Variants in ATXN7 observed in about 807,000 individuals in gnomAD.
ATXN7 encodes ataxin-7.
Under a neutral mutation model 70.5 loss-of-function variants are expected in ATXN7, and 12 were observed. The observed-to-expected ratio is 0.17, with a 90% confidence interval of 0.11 to 0.28. The LOEUF (loss-of-function observed/expected upper bound fraction) is 0.28. Among genes scored for constraint, ATXN7 ranks in the 10% least tolerant of loss-of-function variants. ATXN7 has a pLI of 1.00. For missense variants in ATXN7, 1,256 were observed against 1,131.7 expected, an observed-to-expected ratio of 1.11 and a Z score of -1.58; for synonymous variants, 498 against 448.7, an observed-to-expected ratio of 1.11 and a Z score of -1.39.
At chr3:63,982,718 A>G (rs1343897864) in intron 7 of ATXN7, among the ~76,000 whole-genome samples, 1 of 151,840 alleles carries the variant, frequency 6.6e-6, no homozygotes, top group Non-Finnish European at 1.5e-5. Flanking sequence ...GACTTAAACA[A>G]TATCTTTTCT....
At chr3:63,983,652 T>C (rs915274831) in intron 8 of ATXN7, among the ~76,000 whole-genome samples, 12 of 152,142 alleles carry the variant, frequency 7.9e-5, no homozygotes, top group African/African-American at 2.7e-4. Flanking sequence ...ATTAATAATT[T>C]ATATACAAGC....
chr3:63,999,326 C>G (rs1559665265), intron 12 of ATXN7, 124 bp from the exon 13 acceptor site: 5 of 768,598 alleles, frequency 6.5e-6, no homozygotes, highest in Non-Finnish European at 1.1e-5. Flanking sequence ...CCTGGTGTCA[C>G]TCAGTCAATG....
intron 4 of ATXN7, among the ~76,000 whole-genome samples, chr3:63,933,298 T>C (rs181140043): frequency 9.8e-5 from 15 of 152,332 alleles, no homozygotes; most frequent in African/African-American, 2.9e-4. Context: ...GTTGAAATTA[T>C]AGTTTTCTGT....
At chr3:63,984,210 TAAAA>T (rs530652733) in intron 8 of ATXN7, among the ~76,000 whole-genome samples, 1 of 144,976 alleles carries the variant, frequency 6.9e-6, no homozygotes, top group Non-Finnish European at 1.5e-5. Flanking sequence ...ATCTCATTTT[TAAAA>T]AAAAAAAACC....
At position 63,916,722 on chromosome 3, in the gene ATXN7, C is replaced by A. The variant is rs114554894; in HGVS notation, c.394+3497C>A. ...TGTGGTTTAGGTAGTATATCATTCC[C>A]TCTTCTGCCATTTGGCACAAGTAGG... On this transcript the variant is annotated intron_variant, in intron 4 of 12. Coordinates refer to ENST00000674280, the MANE Select transcript of ATXN7 (RefSeq NM_001377405.1). Among the ~76,000 whole-genome samples the A allele has an allele frequency of 6.8e-3, 1,036 of 152,290 alleles. 14 individuals are homozygous for A. Among genetic ancestry groups the A allele is most frequent in the African/African-American group, 0.022 (896 of 41,556 alleles).
intron 5 of ATXN7, among the ~76,000 whole-genome samples, chr3:63,965,710 T>C (rs888639190): frequency 1.3e-5 from 2 of 152,156 alleles, no homozygotes; most frequent in Non-Finnish European, 2.9e-5. Context: ...TTTATTTGGA[T>C]AGGATATCGA....
intron 4 of ATXN7, 123 bp from the exon 5 acceptor site, chr3:63,952,256 C>A: frequency 1.8e-6 from 1 of 569,192 alleles, no homozygotes; most frequent in Non-Finnish European, 3.1e-6. Context: ...TGGTGTACCA[C>A]ATCAGTTCAT....
At chr3:63,927,246 C>T (rs925859854) in intron 4 of ATXN7, among the ~76,000 whole-genome samples, 1 of 152,126 alleles carries the variant, frequency 6.6e-6, no homozygotes, top group African/African-American at 2.4e-5. Context: ...CCACATCACT[C>T]TCTATATTGC....
chr3:63,993,758 C>G (rs564963537), intron 11 of ATXN7, among the ~76,000 whole-genome samples: 2 of 152,298 alleles, frequency 1.3e-5, no homozygotes, highest in Non-Finnish European at 2.9e-5. Context: ...GATTTGGTTC[C>G]AGGCAGCCTG....
chr3:63,948,451 G>A (rs1287920398), intron 4 of ATXN7, among the ~76,000 whole-genome samples: 1 of 152,150 alleles, frequency 6.6e-6, no homozygotes, highest in Non-Finnish European at 1.5e-5. Context: ...CGTGAAACTA[G>A]ACAGAGCTTG....
Position 64,000,873 on chromosome 3 carries a change from C to T in ATXN7, c.*1406C>T, listed in dbSNP as rs1660686014. On this transcript the variant is annotated 3_prime_UTR_variant, in exon 13 of 13. Transcript: ENST00000674280. Reference sequence around the variant, plus strand: ...GCTTGGAGAAGGTGTCATTGAATTCCGGGACGAGCCGGAGCCTTTAAATGG... The same window carrying T: ...GCTTGGAGAAGGTGTCATTGAATTCTGGGACGAGCCGGAGCCTTTAAATGG... 7.1e-6 allele frequency: 1 copy of T among 140,794 alleles called. No homozygotes were observed. The highest frequency in any genetic ancestry group is 2.2e-4 in the South Asian group (1 of 4,606). 8.7% of individuals were successfully genotyped at this position (140,794 alleles called of 1,614,324 possible).
intron 1 of ATXN7, among the ~76,000 whole-genome samples, chr3:63,890,597 G>A (rs1703227957): frequency 6.6e-6 from 1 of 152,056 alleles, no homozygotes; most frequent in South Asian, 2.1e-4. Flanking sequence ...CCTCGTAGAA[G>A]TAAATAAAAT....
rs184160451 is a variant in ATXN7, at chr3:64,002,376, T to C, written c.*2909T>C. The C allele has an allele frequency of 6.5e-6, 1 of 152,700 alleles. No individual in the cohort carries two copies. Among genetic ancestry groups the C allele is most frequent in the Admixed American group, 6.5e-5 (1 of 15,284 alleles). 9.5% of individuals were successfully genotyped at this position (152,700 alleles called of 1,614,324 possible). Reference sequence around the variant, plus strand: ...TCCCTTTTAGTGTCTCGGGAGTGGATTCATACAGATGAAGTGGGCATTGCT... The same window carrying C: ...TCCCTTTTAGTGTCTCGGGAGTGGACTCATACAGATGAAGTGGGCATTGCT... On this transcript the variant is annotated 3_prime_UTR_variant, in exon 13 of 13. Transcript: ENST00000674280.
At chr3:63,953,786 G>A (rs2074994031) in intron 5 of ATXN7, among the ~76,000 whole-genome samples, 1 of 151,900 alleles carries the variant, frequency 6.6e-6, no homozygotes, top group South Asian at 2.1e-4. Context: ...GAGTAGCTGG[G>A]ACTACAGGCA....
At chr3:63,967,952 C>T (rs1209616173) in intron 5 of ATXN7, 30 of 1,535,750 alleles carry the variant, frequency 2.0e-5, no homozygotes, top group Admixed American at 3.9e-5. Flanking sequence ...AGCCCTTCTG[C>T]GCAGGAGCTG....
intron 4 of ATXN7, among the ~76,000 whole-genome samples, chr3:63,945,282 G>T (rs1244810730): frequency 6.6e-6 from 1 of 152,230 alleles, no homozygotes. Context: ...CTAGTAAGAG[G>T]AAGAGTAGAC....
Position 63,954,664 on chromosome 3 carries a change from C to A in ATXN7, c.499+2181C>A, listed in dbSNP as rs1230356991. Among the ~76,000 whole-genome samples the A allele has an allele frequency of 2.0e-5, 3 of 151,368 alleles. No homozygotes were observed. The South Asian group carries it at 6.3e-4, about 32-fold the overall frequency. On this transcript the variant is annotated intron_variant, in intron 5 of 12. Transcript: ENST00000674280. ...ATTTTTTTTTTAATCTTCTCATTTC[C>A]CTCTTAGAATATCAGTGTACGGGTA...
In ATXN7 at chr3:63,957,394, T is replaced by A. The variant is rs946158072; in HGVS notation, c.499+4911T>A. Among the ~76,000 whole-genome samples the A allele has an allele frequency of 2.0e-5, 3 of 152,326 alleles. No homozygotes were observed. The East Asian group carries it at 5.8e-4, about 29-fold the overall frequency. ...TCTCTAAGCAGGTTGGAGCAGCCAC[T>A]TTTTCCCAACCTTAATCAAGTGCTG... On this transcript the variant is annotated intron_variant, in intron 5 of 12. Coordinates refer to ENST00000674280, the MANE Select transcript of ATXN7 (RefSeq NM_001377405.1).
At chr3:63,986,328 A>G (rs11717924) in intron 8 of ATXN7, among the ~76,000 whole-genome samples, 7,148 of 152,220 alleles carry the variant, frequency 0.047, 212 homozygotes, top group African/African-American at 0.076. Flanking sequence ...GGCAACCCCT[A>G]TCGGATTTCT....
Sources: gnomAD v4.1 joint callset for allele counts (sites outside exome capture counted in the v4.1 genomes callset) on GRCh38, gnomAD v4.1.1 for gene constraint, MANE v1.5 for transcripts, NCBI Gene and HGNC (gene_info 2026-07-23, HGNC 2026-07-21) for gene names.